PIBF1: variants seen among roughly 807,000 people sequenced by gnomAD.
The protein encoded by PIBF1 is progesterone immunomodulatory binding factor 1, also known as progesterone-induced-blocking factor 1.
In PIBF1, 90 loss-of-function variants were observed where a neutral mutation model predicts 112.5. The ratio of observed to expected loss-of-function variants is 0.80; its 90% confidence interval spans 0.67 to 0.95. The LOEUF is 0.95. Among genes scored for constraint, PIBF1 ranks in the 40% least tolerant of loss-of-function variants. The pLI is 0.00. For synonymous variants in PIBF1, 301 were observed against 288.6 expected (o/e 1.04, Z -0.44); for missense variants, 915 against 852.3 (o/e 1.07, Z -0.92).
At chr13:72,795,280 T>C in intron 3 of PIBF1, 79 bp from the exon 4 acceptor site, 1 of 849,078 alleles carries the variant, frequency 1.2e-6, no homozygotes, top group African/African-American at 1.7e-5. Flanking sequence ...AACTTTATGT[T>C]GATATAAATA....
intron 3 of PIBF1, among the ~76,000 whole-genome samples, chr13:72,793,062 CAAGT>C (rs1373197980): frequency 2.0e-5 from 3 of 152,116 alleles, no homozygotes; most frequent in Non-Finnish European, 4.4e-5. Flanking sequence ...ATAAGCAACA[CAAGT>C]TTAAAGATTG....
chr13:72,918,381 CT>C (rs1468065906), intron 13 of PIBF1, among the ~76,000 whole-genome samples: 6 of 131,830 alleles, frequency 4.6e-5, no homozygotes, highest in Admixed American at 9.5e-5. Flanking sequence ...CAGCAACTAC[CT>C]ATTTTTTTTT....
intron 10 of PIBF1, among the ~76,000 whole-genome samples, chr13:72,860,171 C>T (rs1357581513): frequency 6.6e-6 from 1 of 152,176 alleles, no homozygotes; most frequent in Non-Finnish European, 1.5e-5. Flanking sequence ...AGCCCCCTTT[C>T]ATCCTGATGT....
intron 13 of PIBF1, among the ~76,000 whole-genome samples, chr13:72,921,603 GTCATTT>G (rs771945130): frequency 8.6e-5 from 13 of 152,014 alleles, no homozygotes; most frequent in South Asian, 4.1e-4. Flanking sequence ...CTTCAGAAAG[GTCATTT>G]TTAATGGTTA....
chr13:72,860,362 GAGAC>G (rs1027235299), intron 10 of PIBF1, among the ~76,000 whole-genome samples: 4 of 151,188 alleles, frequency 2.6e-5, no homozygotes, highest in African/African-American at 4.9e-5. Context: ...TGACAGTAGA[GAGAC>G]AGAGAATCTA....
intron 10 of PIBF1, among the ~76,000 whole-genome samples, chr13:72,854,844 T>C (rs1304878475): frequency 6.6e-6 from 1 of 152,058 alleles, no homozygotes; most frequent in African/African-American, 2.4e-5. Flanking sequence ...ATCTATATGT[T>C]CTAAAGTATG....
At position 72,835,383 on chromosome 13, in the gene PIBF1, A is replaced by G; in HGVS notation, c.1223+15A>G. On this transcript the variant is annotated intron_variant, in intron 9 of 17. Coordinates refer to ENST00000326291, the MANE Select transcript of PIBF1 (RefSeq NM_006346.4). The stretch of plus-strand genomic sequence containing the variant: ...CGAGAAAACAGGTAAAAAAAAAAAA[A>G]TGCTTGTATGGTATTTTATTTATCT... The G allele has an allele frequency of 6.6e-7, 1 of 1,519,516 alleles. No homozygotes were observed. Among genetic ancestry groups the G allele is most frequent in the South Asian group, 1.3e-5 (1 of 79,288 alleles). The allele number at this position is 1,519,516 out of a possible 1,614,324, so 94.1% of individuals were successfully genotyped here.
chr13:72,951,616 A>G (rs1335249033), intron 14 of PIBF1, among the ~76,000 whole-genome samples: 5 of 152,202 alleles, frequency 3.3e-5, no homozygotes, highest in East Asian at 3.8e-4. Context: ...ACATGCTGGA[A>G]AAGACAAAAC....
At chr13:72,828,627 T>A (rs547119580) in intron 8 of PIBF1, among the ~76,000 whole-genome samples, 1 of 152,338 alleles carries the variant, frequency 6.6e-6, no homozygotes, top group African/African-American at 2.4e-5. Context: ...AATGGCTGCA[T>A]AGCATATATA....
chr13:72,794,678 A>G (rs1294686026), intron 3 of PIBF1, among the ~76,000 whole-genome samples: 1 of 152,190 alleles, frequency 6.6e-6, no homozygotes, highest in African/African-American at 2.4e-5. Flanking sequence ...GCCACCATGT[A>G]AGACATGCCT....
At chr13:72,904,962 T>C (rs923192391) in intron 11 of PIBF1, among the ~76,000 whole-genome samples, 17 of 152,132 alleles carry the variant, frequency 1.1e-4, no homozygotes, top group Admixed American at 3.3e-4. Flanking sequence ...TTATTTCTAC[T>C]TTTTTGTTCT....
At chr13:72,925,329 T>A (rs2041442528) in intron 13 of PIBF1, among the ~76,000 whole-genome samples, 1 of 152,140 alleles carries the variant, frequency 6.6e-6, no homozygotes, top group African/African-American at 2.4e-5. Context: ...ATTGGTTGGG[T>A]TATGAAGAAA....
In PIBF1 at chr13:72,809,881, G is replaced by T. The variant is rs139858362; in HGVS notation, c.672+11855G>T. ...TGGAATTACAGGCATGAGCCACTGC[G>T]CTTGGCCAGAATGTGATTCTTGACC... On this transcript the variant is annotated intron_variant, in intron 5 of 17. Transcript: ENST00000326291. 6.9e-4 allele frequency among the ~76,000 whole-genome samples: 105 copies of T among 152,196 alleles called. 1 individual carries two copies. The East Asian group carries it at 0.02, about 29-fold the overall frequency.
Position 72,908,551 on chromosome 13 carries a change from T to C in PIBF1, c.1509T>C (p.Tyr503=). The change falls in exon 12 of 18, where the codon TAT becomes TAC. Residue 503 remains tyrosine (Y), a synonymous_variant. Coordinates refer to ENST00000326291, the MANE Select transcript of PIBF1 (RefSeq NM_006346.4). ...ATTAGGTTTTAACCAAAGAATTTTA[T>C]AGTCTCCAAGCCTCTTCTGAAAAAC... ...KKLEVLTKEF[Y]SLQASSEKRI... is the part of the protein sequence containing the mutation. 6.2e-7 allele frequency: 1 copy of C among 1,605,286 alleles called. No homozygotes were observed. The highest frequency in any genetic ancestry group is 1.1e-5 in the South Asian group (1 of 89,216).
intron 9 of PIBF1, among the ~76,000 whole-genome samples, chr13:72,851,408 G>A (rs374376451): frequency 3.9e-5 from 6 of 152,244 alleles, no homozygotes; most frequent in African/African-American, 1.2e-4. Flanking sequence ...AGGTGTGCCC[G>A]CTCTTGGGGC....
At chr13:72,902,860 AATC>A (rs966940474) in intron 11 of PIBF1, among the ~76,000 whole-genome samples, 2 of 152,110 alleles carry the variant, frequency 1.3e-5, no homozygotes, top group African/African-American at 4.8e-5. Context: ...GTTCAGTAAA[AATC>A]ATCAATATAC....
At chr13:72,825,829 G>C (rs898430729) in intron 6 of PIBF1, among the ~76,000 whole-genome samples, 4 of 151,472 alleles carry the variant, frequency 2.6e-5, no homozygotes, top group African/African-American at 9.7e-5. Flanking sequence ...GCTTTCAGAA[G>C]CACAGGCAGG....
At chr13:72,795,619 A>C (rs2035155767) in intron 4 of PIBF1, 62 bp downstream of exon 4, 1 of 1,007,774 alleles carries the variant, frequency 9.9e-7, no homozygotes. Flanking sequence ...TTTACCATTT[A>C]TATAGTAGCA....
chr13:72,832,891 C>T (rs180836233), intron 8 of PIBF1, among the ~76,000 whole-genome samples: 1 of 138,132 alleles, frequency 7.2e-6, no homozygotes, highest in Non-Finnish European at 1.5e-5. Context: ...GTCCCCATCA[C>T]TTTCAGGTAC....
Sources: gnomAD v4.1 joint callset for allele counts (sites outside exome capture counted in the v4.1 genomes callset) on GRCh38, gnomAD v4.1.1 for gene constraint, MANE v1.5 for transcripts, NCBI Gene and HGNC (gene_info 2026-07-23, HGNC 2026-07-21) for gene names.